Variants in GRM1 observed in about 807,000 individuals in gnomAD.
GRM1 encodes the protein glutamate metabotropic receptor 1.
A neutral mutation model predicts 90.9 loss-of-function variants in GRM1; 33 were observed. The ratio of observed to expected loss-of-function variants is 0.36; its 90% CI spans 0.28 to 0.49. The LOEUF (loss-of-function observed/expected upper bound fraction) is 0.49, where lower values mean the gene tolerates loss of function less well. GRM1 is among the 20% of genes least tolerant of loss of function. The pLI is 0.99. For synonymous variants in GRM1, 700 were observed against 613.2 expected (o/e 1.14, Z -2.09); for missense variants, 1,190 against 1,534.3 (o/e 0.78, Z 3.75).
In GRM1 at chr6:146,331,352, T is replaced by C. The variant is rs560996075; in HGVS notation, c.1187-20898T>C. Among the ~76,000 whole-genome samples, 113 of 152,274 alleles carry C rather than the reference T, an allele frequency of 7.4e-4. 1 individual carries two copies. The highest frequency in any genetic ancestry group is 1.4e-3 in the Non-Finnish European group (95 of 68,008). ...CATTAGGGAAGAAAGAATAAATCTC[T>C]GTAGAACAAGACATTCTTGTGTTTT... is the stretch of plus-strand genomic sequence containing the variant. On this transcript the variant is annotated intron_variant, in intron 3 of 7. Coordinates refer to ENST00000282753, the MANE Select transcript of GRM1 (RefSeq NM_001278064.2).
intron 3 of GRM1, among the ~76,000 whole-genome samples, chr6:146,327,453 A>G (rs986839136): frequency 1.3e-5 from 2 of 152,208 alleles, no homozygotes; most frequent in Non-Finnish European, 2.9e-5. Context: ...TCTTCCTGAT[A>G]GTGAGTCCTG....
intron 1 of GRM1, among the ~76,000 whole-genome samples, chr6:146,054,475 A>G (rs1174822394): frequency 6.6e-6 from 1 of 152,062 alleles, no homozygotes; most frequent in Non-Finnish European, 1.5e-5. Context: ...GCTTTTCCTG[A>G]CCAGCTTTCC....
intron 3 of GRM1, among the ~76,000 whole-genome samples, chr6:146,336,497 G>A (rs1009508181): frequency 6.6e-6 from 1 of 152,106 alleles, no homozygotes; most frequent in African/African-American, 2.4e-5. Flanking sequence ...AAACGATGGG[G>A]GAACAGAGTC....
intron 2 of GRM1, among the ~76,000 whole-genome samples, chr6:146,184,423 GT>G (rs934140385): frequency 2.0e-4 from 31 of 151,996 alleles, no homozygotes; most frequent in African/African-American, 7.5e-4. Context: ...TGGCTGATAA[GT>G]TTTTTCTGTT....
At chr6:146,168,565 T>C (rs1777992267) in intron 2 of GRM1, among the ~76,000 whole-genome samples, 1 of 152,102 alleles carries the variant, frequency 6.6e-6, no homozygotes, top group African/African-American at 2.4e-5. Flanking sequence ...TCCTTTGTAT[T>C]AATCCATATT....
In GRM1 at chr6:146,053,797, T is replaced by G. The variant is rs192086477; in HGVS notation, c.700+23580T>G. Among the ~76,000 whole-genome samples, 7 of 152,198 alleles carry G rather than the reference T, an allele frequency of 4.6e-5. No homozygotes were observed. The East Asian group carries it at 1.4e-3, about 30-fold the overall frequency. On this transcript the variant is annotated intron_variant, in intron 1 of 7. Coordinates refer to ENST00000282753, the MANE Select transcript of GRM1 (RefSeq NM_001278064.2). The stretch of plus-strand genomic sequence containing the variant: ...CCCCTTCCTCCTTAGGTAATTCTGC[T>G]GCACAGCCAAATTTGGGACCACTAT...
intron 5 of GRM1, among the ~76,000 whole-genome samples, chr6:146,359,422 T>G (rs1583382702): frequency 6.6e-6 from 1 of 152,226 alleles, no homozygotes; most frequent in Non-Finnish European, 1.5e-5. Context: ...ACATGTTGGC[T>G]CAGGCTGCCT....
chr6:146,152,167 A>G (rs1777363623), intron 1 of GRM1, among the ~76,000 whole-genome samples: 1 of 152,108 alleles, frequency 6.6e-6, no homozygotes, highest in Non-Finnish European at 1.5e-5. Context: ...CAGAGGCCTC[A>G]CTAAAGATCT....
chr6:146,347,557 CAATT>C (rs2115030598), intron 3 of GRM1, among the ~76,000 whole-genome samples: 1 of 151,982 alleles, frequency 6.6e-6, no homozygotes, highest in East Asian at 1.9e-4. Context: ...TAGCAACAAA[CAATT>C]AAAAAATAAA....
chr6:146,262,497 A>G (rs1454671836), intron 2 of GRM1, among the ~76,000 whole-genome samples: 2 of 152,042 alleles, frequency 1.3e-5, no homozygotes, highest in African/African-American at 4.8e-5. Context: ...TGAATCAAAA[A>G]GGAAAGTATT....
chr6:146,230,077 G>T (rs1055030941), intron 2 of GRM1, among the ~76,000 whole-genome samples: 1 of 152,182 alleles, frequency 6.6e-6, no homozygotes, highest in African/African-American at 2.4e-5. Flanking sequence ...TGCTTAAAGT[G>T]AAGCTCTGTA....
At chr6:146,164,995 A>G (rs765494635) in intron 2 of GRM1, among the ~76,000 whole-genome samples, 16 of 150,400 alleles carry the variant, frequency 1.1e-4, no homozygotes, top group Non-Finnish European at 2.2e-4. Flanking sequence ...TGTTTTATCT[A>G]TTGCTTCTCG....
At chr6:146,305,262 C>G (rs528688326) in intron 3 of GRM1, among the ~76,000 whole-genome samples, 5 of 151,828 alleles carry the variant, frequency 3.3e-5, no homozygotes, top group Non-Finnish European at 7.4e-5. Flanking sequence ...GTAATGTGAC[C>G]CTAAGCCACA....
intron 1 of GRM1, among the ~76,000 whole-genome samples, chr6:146,149,917 C>T (rs1777259342): frequency 6.6e-6 from 1 of 152,064 alleles, no homozygotes; most frequent in African/African-American, 2.4e-5. Context: ...CTTCACTGAC[C>T]TTGAATATAA....
At chr6:146,291,928 T>C (rs1008249676) in intron 2 of GRM1, among the ~76,000 whole-genome samples, 5 of 151,968 alleles carry the variant, frequency 3.3e-5, no homozygotes, top group Non-Finnish European at 5.9e-5. Context: ...TACAAAGCCA[T>C]AGTAATCAAA....
chr6:146,318,515 AC>A (rs1387100196), intron 3 of GRM1, among the ~76,000 whole-genome samples: 1 of 152,186 alleles, frequency 6.6e-6, no homozygotes, highest in African/African-American at 2.4e-5. Flanking sequence ...TTGGGTATAT[AC>A]CCAGTAATGG....
intron 1 of GRM1, among the ~76,000 whole-genome samples, chr6:146,151,053 A>G (rs931702895): frequency 1.3e-5 from 2 of 152,100 alleles, no homozygotes; most frequent in Middle Eastern, 3.2e-3. Flanking sequence ...TATTTTTTAA[A>G]TGCGACATTC....
rs73577180 is a variant in GRM1 at position 146,311,406 on chromosome 6, G to A, written c.1186+6560G>A. On this transcript the variant is annotated intron_variant, in intron 3 of 7. Transcript: ENST00000282753. ...GTTTATATATCTTAGTTGGAAGAAT[G>A]AAAGTGAACTGACTGTGTGTCTCAT... 8.5e-3 allele frequency among the ~76,000 whole-genome samples: 1,298 copies of A among 152,332 alleles called. 20 individuals carry two copies. Among genetic ancestry groups the A allele is most frequent in the African/African-American group, 0.03 (1,232 of 41,574 alleles).
At chr6:146,367,511 G>C (rs1195978234) in intron 5 of GRM1, among the ~76,000 whole-genome samples, 2 of 152,046 alleles carry the variant, frequency 1.3e-5, no homozygotes, top group African/African-American at 4.8e-5. Flanking sequence ...TTGGTGTAGG[G>C]ATGATCCAGT....
Sources: allele counts gnomAD v4.1 joint callset (sites outside exome capture counted in the v4.1 genomes callset), GRCh38; gene constraint gnomAD v4.1.1; transcripts MANE v1.5; gene names NCBI Gene and HGNC (gene_info 2026-07-23, HGNC 2026-07-21).